The following IQCJ variants were observed in gnomAD, a reference collection of about 807,000 sequenced individuals.
The protein encoded by IQCJ is IQ domain-containing protein J.
In IQCJ, 9 loss-of-function variants were observed where a neutral mutation model predicts 11.0. The observed-to-expected ratio is 0.82, with a 90% CI of 0.49 to 1.43. The LOEUF (loss-of-function observed/expected upper bound fraction) is 1.43, where lower values mean the gene tolerates loss of function less well. Ranked by LOEUF, IQCJ falls within the 40% of genes most tolerant of loss-of-function variation. The pLI, the probability that IQCJ is intolerant of heterozygous loss-of-function variation, is 0.00. For synonymous variants in IQCJ, 55 were observed against 51.3 expected, an observed-to-expected ratio of 1.07 and a Z score of -0.31; for missense variants, 146 against 133.2, an observed-to-expected ratio of 1.10 and a Z score of -0.47.
intron 1 of IQCJ, among the ~76,000 whole-genome samples, chr3:159,116,670 A>G (rs1347263184): frequency 1.5e-4 from 2 of 13,392 alleles, no homozygotes; most frequent in South Asian, 3.5e-3. Flanking sequence ...ATATATATAT[A>G]CACCCTTCAT....
At chr3:159,127,311 G>C (rs148122471) in intron 1 of IQCJ, among the ~76,000 whole-genome samples, 1 of 152,326 alleles carries the variant, frequency 6.6e-6, no homozygotes, top group East Asian at 1.9e-4. Flanking sequence ...CAAGGGCACA[G>C]GCTTTGGGAT....
intron 1 of IQCJ, among the ~76,000 whole-genome samples, chr3:159,147,582 C>T (rs1720989256): frequency 6.6e-5 from 10 of 152,174 alleles, no homozygotes; most frequent in Admixed American, 6.5e-4. Context: ...AAGCAAATCT[C>T]AGTGAGACCA....
intron 1 of IQCJ, among the ~76,000 whole-genome samples, chr3:159,185,942 C>A (rs1031561515): frequency 2.6e-5 from 4 of 152,168 alleles, no homozygotes; most frequent in Non-Finnish European, 5.9e-5. Context: ...GTCACTAACT[C>A]TAGACCATTT....
Position 159,262,739 on chromosome 3 carries a change from G to C in IQCJ, c.*8G>C. On this transcript the variant is annotated 3_prime_UTR_variant, in exon 4 of 4. Coordinates refer to ENST00000397832, the MANE Select transcript of IQCJ (RefSeq NM_001042706.3). ...GACTTGACATTCAACTGAAAGCCTAGACTTTGGTTCTAAGAGAGAAATCTT... is the reference window on the plus strand; with the variant it reads ...GACTTGACATTCAACTGAAAGCCTACACTTTGGTTCTAAGAGAGAAATCTT... The C allele has an allele frequency of 6.2e-7, 1 of 1,611,318 alleles. No homozygotes were observed. The highest frequency in any genetic ancestry group is 8.5e-7 in the Non-Finnish European group (1 of 1,177,878).
At chr3:159,217,497 A>G (rs1166455894) in intron 1 of IQCJ, among the ~76,000 whole-genome samples, 1 of 152,146 alleles carries the variant, frequency 6.6e-6, no homozygotes, top group Non-Finnish European at 1.5e-5. Context: ...TTCCCACTCA[A>G]TCTTTATTAT....
intron 1 of IQCJ, among the ~76,000 whole-genome samples, chr3:159,118,692 A>G (rs17726169): frequency 0.33 from 49,975 of 152,060 alleles, 8,557 homozygotes; most frequent in Non-Finnish European, 0.39. Flanking sequence ...GCTTCTGTGT[A>G]GGTCTGTAAA....
intron 1 of IQCJ, among the ~76,000 whole-genome samples, chr3:159,118,817 G>A (rs1360061378): frequency 6.6e-6 from 1 of 152,174 alleles, no homozygotes; most frequent in Non-Finnish European, 1.5e-5. Context: ...CCCCTTGAAA[G>A]CAGAGTCTAT....
Position 159,175,537 on chromosome 3 carries a change from C to T in IQCJ, c.10-70306C>T, listed in dbSNP as rs537443842. Among the ~76,000 whole-genome samples the T allele has an allele frequency of 4.9e-4, 74 of 152,252 alleles. 1 individual carries two copies. Among genetic ancestry groups the T allele is most frequent in the Non-Finnish European group, 9.4e-4 (64 of 67,984 alleles). On this transcript the variant is annotated intron_variant, in intron 1 of 3. Coordinates refer to ENST00000397832, the MANE Select transcript of IQCJ (RefSeq NM_001042706.3). ...CCAGTAAGTTCCCCTCATCCCTTTT[C>T]GTGGTCAATTCCCTTTCCCATTCCT...
intron 1 of IQCJ, among the ~76,000 whole-genome samples, chr3:159,149,432 T>C (rs1328994293): frequency 6.6e-6 from 1 of 152,228 alleles, no homozygotes; most frequent in Non-Finnish European, 1.5e-5. Context: ...CAGTGTCTTT[T>C]TTGCTGGCCT....
chr3:159,145,266 A>T (rs2108190285), intron 1 of IQCJ, among the ~76,000 whole-genome samples: 1 of 152,260 alleles, frequency 6.6e-6, no homozygotes, highest in South Asian at 2.1e-4. Flanking sequence ...TGTTGAAAAG[A>T]ATGGTGGAGA....
Position 159,210,622 on chromosome 3 carries a change from A to G in IQCJ, c.10-35221A>G, listed in dbSNP as rs1325511564. On this transcript the variant is annotated intron_variant, in intron 1 of 3. Coordinates refer to ENST00000397832, the MANE Select transcript of IQCJ (RefSeq NM_001042706.3). ...TAAAGACAAGGAAATAGCTTCAGTTACTTCAGTTGTATCACTCTATGCAAC... is the reference window on the plus strand; with the variant it reads ...TAAAGACAAGGAAATAGCTTCAGTTGCTTCAGTTGTATCACTCTATGCAAC... Among the ~76,000 whole-genome samples, 3 of 152,300 alleles carry G rather than the reference A, an allele frequency of 2.0e-5. No individual in the cohort carries two copies. The East Asian group carries it at 5.8e-4, about 29-fold the overall frequency.
At chr3:159,159,566 T>A (rs1721717468) in intron 1 of IQCJ, among the ~76,000 whole-genome samples, 1 of 152,238 alleles carries the variant, frequency 6.6e-6, no homozygotes, top group Admixed American at 6.5e-5. Context: ...TTAATAACTA[T>A]ATTCCATTCT....
At chr3:159,208,962 TAAGTA>T (rs1724802548) in intron 1 of IQCJ, among the ~76,000 whole-genome samples, 1 of 152,132 alleles carries the variant, frequency 6.6e-6, no homozygotes, top group African/African-American at 2.4e-5. Flanking sequence ...CTGGAGCTGA[TAAGTA>T]AAGAAGGAAA....
chr3:159,245,754 G>GT, intron 1 of IQCJ, 89 bp from the exon 2 acceptor site: 1 of 1,119,730 alleles, frequency 8.9e-7, no homozygotes, highest in Non-Finnish European at 1.3e-6. Context: ...ATGTTGTGTT[G>GT]TATCAATTTT....
At chr3:159,129,309 G>T (rs1719857867) in intron 1 of IQCJ, among the ~76,000 whole-genome samples, 1 of 152,152 alleles carries the variant, frequency 6.6e-6, no homozygotes, top group South Asian at 2.1e-4. Context: ...TTTCATTTCT[G>T]TCTCTTGTTT....
At chr3:159,247,834 A>G (rs2595235) in intron 2 of IQCJ, among the ~76,000 whole-genome samples, 113,445 of 152,034 alleles carry the variant, frequency 0.75, 43,195 homozygotes, top group African/African-American at 0.87. Context: ...AGAAAGAGGG[A>G]CAGGGACAGA....
At chr3:159,260,254 C>T (rs184421900) in intron 3 of IQCJ, among the ~76,000 whole-genome samples, 1 of 152,220 alleles carries the variant, frequency 6.6e-6, no homozygotes, top group Non-Finnish European at 1.5e-5. Context: ...GTCACACCGC[C>T]CTCTGGTGTT....
chr3:159,174,283 G>T (rs1377837750), intron 1 of IQCJ, among the ~76,000 whole-genome samples: 1 of 151,884 alleles, frequency 6.6e-6, no homozygotes, highest in Non-Finnish European at 1.5e-5. Flanking sequence ...ATATTTCTCT[G>T]CCCTTGAATG....
At chr3:159,149,594 T>C (rs1054597001) in intron 1 of IQCJ, among the ~76,000 whole-genome samples, 2 of 152,182 alleles carry the variant, frequency 1.3e-5, no homozygotes, top group East Asian at 3.8e-4. Flanking sequence ...AGAAATATAA[T>C]GGGAATATGA....
Sources: allele counts gnomAD v4.1 joint callset (sites outside exome capture counted in the v4.1 genomes callset), GRCh38; gene constraint gnomAD v4.1.1; transcripts MANE v1.5; gene names NCBI Gene and HGNC (gene_info 2026-07-23, HGNC 2026-07-21).